Variants in QTMAN observed in about 807,000 individuals in gnomAD.
QTMAN encodes the protein tRNA-queuosine alpha-mannosyltransferase.
chr2:144,301,619 C>T, the QTMAN span, among the ~76,000 whole-genome samples: 1 of 152,184 alleles, frequency 6.6e-6, no homozygotes, highest in Non-Finnish European at 1.5e-5. Flanking sequence ...AACCTGAATT[C>T]ACAGAAGAAA....
chr2:144,278,602 C>A, the QTMAN span, among the ~76,000 whole-genome samples: 25 of 151,520 alleles, frequency 1.6e-4, no homozygotes, highest in South Asian at 4.2e-4. Flanking sequence ...AAGATGCACA[C>A]CTCGTGACTT....
At chr2:143,980,264 TGTAA>T in the QTMAN span, among the ~76,000 whole-genome samples, 5 of 152,152 alleles carry the variant, frequency 3.3e-5, no homozygotes, top group African/African-American at 7.2e-5. Flanking sequence ...AGCTCTCACT[TGTAA>T]GTGAGAACAT....
At chr2:144,218,355 T>C in the QTMAN span, among the ~76,000 whole-genome samples, 77 of 152,198 alleles carry the variant, frequency 5.1e-4, 2 homozygotes, top group Admixed American at 5.0e-3. Context: ...TTCCCCAACC[T>C]GACTGGAGTC....
chr2:144,227,440 C>CAA, the QTMAN span, among the ~76,000 whole-genome samples: 1 of 151,988 alleles, frequency 6.6e-6, no homozygotes, highest in African/African-American at 2.4e-5. Flanking sequence ...AACAATTCCA[C>CAA]AAAATTTAGT....
chr2:144,313,504 T>C, the QTMAN span, among the ~76,000 whole-genome samples: 1 of 152,196 alleles, frequency 6.6e-6, no homozygotes, highest in South Asian at 2.1e-4. Context: ...GGAAAGCTAC[T>C]GACTAAACAT....
At chr2:144,095,957 C>T in the QTMAN span, among the ~76,000 whole-genome samples, 1 of 152,058 alleles carries the variant, frequency 6.6e-6, no homozygotes. Context: ...GTCACTCTCC[C>T]TTGAAGCAGT....
chr2:144,048,407 T>C, the QTMAN span, among the ~76,000 whole-genome samples: 1 of 152,162 alleles, frequency 6.6e-6, no homozygotes, highest in Admixed American at 6.5e-5. Flanking sequence ...GAGATCATAC[T>C]ACAAGCTAGG....
chr2:144,108,389 C>A, the QTMAN span, among the ~76,000 whole-genome samples: 185 of 152,254 alleles, frequency 1.2e-3, no homozygotes, highest in African/African-American at 4.3e-3. Context: ...CCTGTAATCC[C>A]AGCACTTTGG....
chr2:144,138,870 T>C, the QTMAN span, among the ~76,000 whole-genome samples: 9 of 152,134 alleles, frequency 5.9e-5, no homozygotes, highest in Non-Finnish European at 1.2e-4. Context: ...CTGAATCTTA[T>C]GAATCACACA....
the QTMAN span, among the ~76,000 whole-genome samples, chr2:144,061,999 A>G: frequency 6.6e-6 from 1 of 152,104 alleles, no homozygotes; most frequent in Non-Finnish European, 1.5e-5. Flanking sequence ...CACCTCCATC[A>G]TTCAGTAAAA....
the QTMAN span, among the ~76,000 whole-genome samples, chr2:144,263,326 G>A: frequency 3.7e-4 from 56 of 152,154 alleles, no homozygotes; most frequent in Non-Finnish European, 7.4e-4. Flanking sequence ...GACCTCTGAT[G>A]GTCTCTTTTA....
At chr2:143,953,801 T>C in the QTMAN span, among the ~76,000 whole-genome samples, 65 of 152,060 alleles carry the variant, frequency 4.3e-4, no homozygotes, top group African/African-American at 1.5e-3. Context: ...GGGAAATTTA[T>C]TTTGAACTGC....
chr2:144,234,161 G>A, the QTMAN span, among the ~76,000 whole-genome samples: 13 of 152,234 alleles, frequency 8.5e-5, no homozygotes, highest in Admixed American at 7.2e-4. Context: ...AGAAAGAGGT[G>A]ATAAGTGATC....
chr2:144,047,197 A>G, the QTMAN span, among the ~76,000 whole-genome samples: 4 of 152,078 alleles, frequency 2.6e-5, no homozygotes, highest in East Asian at 3.9e-4. Context: ...CTTGAGCCCA[A>G]GAGGTGGAGG....
the QTMAN span, among the ~76,000 whole-genome samples, chr2:144,112,857 C>G: frequency 2.6e-5 from 4 of 152,062 alleles, no homozygotes; most frequent in African/African-American, 9.7e-5. Context: ...AATAAGTTCC[C>G]AAGGAGCCAA....
At chr2:144,175,487 G>A in the QTMAN span, among the ~76,000 whole-genome samples, 2 of 151,912 alleles carry the variant, frequency 1.3e-5, no homozygotes, top group African/African-American at 4.8e-5. Flanking sequence ...GCCCACAAAG[G>A]GAACTACCAT....
At chr2:144,200,366 A>G in the QTMAN span, among the ~76,000 whole-genome samples, 5 of 152,368 alleles carry the variant, frequency 3.3e-5, no homozygotes, top group South Asian at 1.0e-3. Flanking sequence ...GTCAAAACTA[A>G]AAAGCCTTAA....
At chr2:144,073,305 T>A in the QTMAN span, among the ~76,000 whole-genome samples, 2 of 151,262 alleles carry the variant, frequency 1.3e-5, no homozygotes, top group Non-Finnish European at 2.9e-5. Flanking sequence ...TCCTGGCAAT[T>A]ATAACAAAAA....
At chr2:144,133,318 TG>T in the QTMAN span, among the ~76,000 whole-genome samples, 1 of 41,816 alleles carries the variant, frequency 2.4e-5, no homozygotes, top group Non-Finnish European at 4.9e-5. Flanking sequence ...TAAATATATA[TG>T]TATATATACA....
Sources: allele counts gnomAD v4.1 joint callset (sites outside exome capture counted in the v4.1 genomes callset), GRCh38; gene constraint gnomAD v4.1.1; transcripts MANE v1.5; gene names NCBI Gene and HGNC (gene_info 2026-07-23, HGNC 2026-07-21).